PPP1CB: variants seen among roughly 807,000 people sequenced by gnomAD.
The protein encoded by PPP1CB is protein phosphatase 1 catalytic subunit beta.
PPP1CB carries 2 observed loss-of-function variants against 43.7 expected under a neutral mutation model. That is an observed-to-expected ratio of 0.05 (90% CI 0.02 to 0.14). The LOEUF is 0.14. Ranked by LOEUF, PPP1CB falls within the 10% of genes least tolerant of loss-of-function variation. The pLI, the probability that PPP1CB is intolerant of heterozygous loss-of-function variation, is 1.00. For missense variants in PPP1CB, 84 were observed against 398.0 expected (o/e 0.21, Z 6.71); for synonymous variants, 136 against 135.6 (o/e 1.00, Z -0.02).
At chr2:28,777,059 A>AT in intron 2 of PPP1CB, 77 bp downstream of exon 2, 1 of 1,472,038 alleles carries the variant, frequency 6.8e-7, no homozygotes. Flanking sequence ...TAGAGAAAAC[A>AT]TTTTTTGAAA....
At chr2:28,757,191 G>C (rs1296673037) in intron 1 of PPP1CB, among the ~76,000 whole-genome samples, 1 of 151,986 alleles carries the variant, frequency 6.6e-6, no homozygotes, top group Non-Finnish European at 1.5e-5. Flanking sequence ...ATTCATCTTT[G>C]TTGTAGTATG....
At position 28,794,091 on chromosome 2, in the gene PPP1CB, G is replaced by A. The variant is rs564796714; in HGVS notation, c.879+94G>A. On this transcript the variant is annotated intron_variant, in intron 7 of 7. Coordinates refer to ENST00000395366, the MANE Select transcript of PPP1CB (RefSeq NM_002709.3). ...ATTTGTGAAGTTTCCTTGAGCAAGT[G>A]TTGAAAGTCTGTTTAATTCAGAAGT... 2,370 of 1,039,318 alleles carry A rather than the reference G, an allele frequency of 2.3e-3. 6 individuals carry two copies. The highest frequency in any genetic ancestry group is 3.0e-3 in the Non-Finnish European group (2,150 of 716,674). The allele number at this position is 1,039,318 out of a possible 1,614,324, so 64.4% of individuals were successfully genotyped here. A position where few individuals can be genotyped will look rare whatever the true frequency, so the allele number is the denominator to read the frequency against.
intron 3 of PPP1CB, among the ~76,000 whole-genome samples, chr2:28,779,295 A>G (rs534071178): frequency 2.0e-5 from 3 of 152,320 alleles, no homozygotes; most frequent in East Asian, 1.9e-4. Context: ...CTAGTAAACT[A>G]TCCAGGTGAA....
chr2:28,794,026 C>T, intron 7 of PPP1CB, 29 bp downstream of exon 7: 1 of 1,529,592 alleles, frequency 6.5e-7, no homozygotes, highest in Non-Finnish European at 8.9e-7. Flanking sequence ...TATATAAGAA[C>T]TAGAAATCTA....
chr2:28,769,293 A>G (rs1435382354), intron 1 of PPP1CB, among the ~76,000 whole-genome samples: 3 of 152,130 alleles, frequency 2.0e-5, no homozygotes, highest in Non-Finnish European at 4.4e-5. Flanking sequence ...TTGGAGTGCA[A>G]TGGCGTGATC....
chr2:28,792,523 A>G (rs1158793606), intron 6 of PPP1CB, among the ~76,000 whole-genome samples: 1 of 152,146 alleles, frequency 6.6e-6, no homozygotes, highest in African/African-American at 2.4e-5. Context: ...CCCTGTCTCC[A>G]CACAAGCACA....
intron 6 of PPP1CB, among the ~76,000 whole-genome samples, chr2:28,790,809 T>C (rs957108725): frequency 6.6e-6 from 1 of 152,174 alleles, no homozygotes; most frequent in African/African-American, 2.4e-5. Flanking sequence ...TAAACAAATG[T>C]AGCAAAATCA....
intron 6 of PPP1CB, among the ~76,000 whole-genome samples, chr2:28,793,623 C>G (rs972010714): frequency 6.6e-6 from 1 of 152,132 alleles, no homozygotes; most frequent in Non-Finnish European, 1.5e-5. Flanking sequence ...GATTTTTAAG[C>G]TTTCAGGAGT....
At chr2:28,754,574 A>G (rs754964923) in intron 1 of PPP1CB, among the ~76,000 whole-genome samples, 20 of 152,296 alleles carry the variant, frequency 1.3e-4, no homozygotes, top group Admixed American at 5.2e-4. Context: ...CTACAGAAGC[A>G]TATTTAGTTT....
At chr2:28,773,088 A>G (rs867096736) in intron 1 of PPP1CB, among the ~76,000 whole-genome samples, 40 of 152,344 alleles carry the variant, frequency 2.6e-4, no homozygotes, top group African/African-American at 8.9e-4. Context: ...TCAGGGTTGC[A>G]GGAAGCATTC....
intron 3 of PPP1CB, among the ~76,000 whole-genome samples, chr2:28,781,458 A>C (rs907785617): frequency 6.6e-6 from 1 of 152,096 alleles, no homozygotes; most frequent in Admixed American, 6.6e-5. Context: ...TACCCAACTG[A>C]TACTTTGTAT....
At chr2:28,762,135 G>A (rs938632071) in intron 1 of PPP1CB, among the ~76,000 whole-genome samples, 1 of 152,014 alleles carries the variant, frequency 6.6e-6, no homozygotes, top group Non-Finnish European at 1.5e-5. Flanking sequence ...ATATAAAAAA[G>A]TTAGCTGGGC....
At chr2:28,771,483 C>G (rs1666912931) in intron 1 of PPP1CB, among the ~76,000 whole-genome samples, 1 of 152,060 alleles carries the variant, frequency 6.6e-6, no homozygotes, top group Non-Finnish European at 1.5e-5. Flanking sequence ...GATACCGAGA[C>G]TTTATAAAAA....
intron 1 of PPP1CB, 115 bp from the exon 2 acceptor site, chr2:28,776,736 G>T: frequency 1.2e-6 from 1 of 842,622 alleles, no homozygotes; most frequent in Admixed American, 2.4e-5. Flanking sequence ...GACCAAATAG[G>T]GTAATTTGCT....
At chr2:28,777,796 G>A (rs542091594) in intron 2 of PPP1CB, among the ~76,000 whole-genome samples, 1 of 152,304 alleles carries the variant, frequency 6.6e-6, no homozygotes, top group Non-Finnish European at 1.5e-5. Flanking sequence ...GGGATTACAG[G>A]TGTGAGCCAC....
upstream of PPP1CB, chr2:28,751,816 C>T: frequency 2.2e-6 from 1 of 463,968 alleles, no homozygotes; most frequent in Non-Finnish European, 3.9e-6. Context: ...CCGTCGGCGG[C>T]GCTGGTGAGC....
intron 3 of PPP1CB, among the ~76,000 whole-genome samples, chr2:28,779,355 G>T (rs1476331383): frequency 6.6e-6 from 1 of 152,164 alleles, no homozygotes; most frequent in South Asian, 2.1e-4. Flanking sequence ...GTCCATTAAG[G>T]TTTTAACTCT....
Position 28,788,813 on chromosome 2 carries a change from T to C in PPP1CB, c.744+4T>C. On this transcript the variant is annotated splice_donor_region_variant and intron_variant, in intron 6 of 7. Coordinates refer to ENST00000395366, the MANE Select transcript of PPP1CB (RefSeq NM_002709.3). ...TTTGATTTGTCGAGCTCATCAGGTA[T>C]GAAATATAAAACTCTTAAGCTTTTT... 1 of 1,590,332 alleles carries C rather than the reference T, an allele frequency of 6.3e-7. No homozygotes were observed. The highest frequency in any genetic ancestry group is 8.5e-7 in the Non-Finnish European group (1 of 1,173,904).
chr2:28,786,681 A>C (rs1050180025), intron 5 of PPP1CB, among the ~76,000 whole-genome samples: 4 of 149,716 alleles, frequency 2.7e-5, no homozygotes, highest in Non-Finnish European at 5.9e-5. Flanking sequence ...AGGCTGAGGC[A>C]GGAGAATGGC....
Sources: allele counts gnomAD v4.1 joint callset (sites outside exome capture counted in the v4.1 genomes callset), GRCh38; gene constraint gnomAD v4.1.1; transcripts MANE v1.5; gene names NCBI Gene and HGNC (gene_info 2026-07-23, HGNC 2026-07-21).